Variants in GPC5 observed in about 807,000 individuals in gnomAD.
The protein encoded by GPC5 is glypican-5.
GPC5 carries 47 observed loss-of-function variants against 53.9 expected under a neutral mutation model. The observed-to-expected ratio is 0.87, with a 90% CI of 0.69 to 1.11. GPC5 has a LOEUF of 1.11. Among genes scored for constraint, GPC5 ranks in the 50% most tolerant of loss-of-function variants. The probability of loss-of-function intolerance (pLI) is 0.00; values close to 1 mark genes in which losing one functional copy is unlikely to be tolerated. For missense variants in GPC5, 748 were observed against 713.1 expected, an observed-to-expected ratio of 1.05 and a Z score of -0.56; for synonymous variants, 286 against 263.3, an observed-to-expected ratio of 1.09 and a Z score of -0.84.
chr13:92,081,587 T>G (rs1160234709), intron 6 of GPC5, among the ~76,000 whole-genome samples: 3 of 152,166 alleles, frequency 2.0e-5, no homozygotes, highest in African/African-American at 7.2e-5. Flanking sequence ...GATGGTCTGT[T>G]CAAATAATTT....
At chr13:91,858,687 T>C (rs1019001120) in intron 5 of GPC5, among the ~76,000 whole-genome samples, 1 of 151,946 alleles carries the variant, frequency 6.6e-6, no homozygotes, top group South Asian at 2.1e-4. Flanking sequence ...AGTTTGGAAA[T>C]ACTCCCTCCT....
chr13:92,384,824 A>C (rs2043779039), intron 7 of GPC5, among the ~76,000 whole-genome samples: 1 of 152,136 alleles, frequency 6.6e-6, no homozygotes, highest in Non-Finnish European at 1.5e-5. Context: ...ATCATGCATT[A>C]ATGATGTCTC....
At chr13:92,708,218 T>C (rs1365020886) in intron 7 of GPC5, among the ~76,000 whole-genome samples, 1 of 152,136 alleles carries the variant, frequency 6.6e-6, no homozygotes, top group Non-Finnish European at 1.5e-5. Flanking sequence ...GAATCAAGAG[T>C]AAACTATTTG....
rs74678692 is a variant in GPC5, at chr13:92,842,365, A to G, written c.1562-23917A>G. Among the ~76,000 whole-genome samples the G allele has an allele frequency of 4.0e-4, 61 of 152,210 alleles. No individual in the cohort carries two copies. The East Asian group carries it at 0.011, about 28-fold the overall frequency. On this transcript the variant is annotated intron_variant, in intron 7 of 7. Transcript: ENST00000377067. ...CGAGGTCCTTTGAGAGTGATGTGAA[A>G]TAATAGTCCAGATGAATGCTACATA...
intron 7 of GPC5, among the ~76,000 whole-genome samples, chr13:92,397,054 G>A (rs1875315129): frequency 1.3e-5 from 2 of 152,204 alleles, no homozygotes. Flanking sequence ...ACTTGGTGGT[G>A]TACCTGGAGA....
At chr13:91,928,079 C>T (rs566709664) in intron 6 of GPC5, among the ~76,000 whole-genome samples, 5 of 152,314 alleles carry the variant, frequency 3.3e-5, no homozygotes, top group Admixed American at 6.5e-5. Flanking sequence ...TATTCTCCAT[C>T]TGTTCTCAGT....
At chr13:91,574,888 TC>T (rs2032075810) in intron 2 of GPC5, among the ~76,000 whole-genome samples, 2 of 152,140 alleles carry the variant, frequency 1.3e-5, no homozygotes, top group Non-Finnish European at 2.9e-5. Flanking sequence ...ACCTAGTTGA[TC>T]GTTAGAGTTC....
chr13:92,695,941 A>C (rs1283468463), intron 7 of GPC5, among the ~76,000 whole-genome samples: 1 of 152,080 alleles, frequency 6.6e-6, no homozygotes, highest in African/African-American at 2.4e-5. Context: ...GAGTGAGAAC[A>C]TGCTGTGTTT....
intron 7 of GPC5, among the ~76,000 whole-genome samples, chr13:92,310,933 G>A (rs1344228215): frequency 6.6e-6 from 1 of 152,028 alleles, no homozygotes; most frequent in African/African-American, 2.4e-5. Context: ...AACTCTGGAT[G>A]GTTATTCAAG....
At chr13:92,831,960 T>C (rs1290641032) in intron 7 of GPC5, among the ~76,000 whole-genome samples, 1 of 152,146 alleles carries the variant, frequency 6.6e-6, no homozygotes, top group Non-Finnish European at 1.5e-5. Flanking sequence ...CTAAATCCAT[T>C]AATGTACAGG....
chr13:91,977,615 A>C (rs780610806), intron 6 of GPC5, among the ~76,000 whole-genome samples: 4 of 152,218 alleles, frequency 2.6e-5, no homozygotes, highest in Non-Finnish European at 5.9e-5. Context: ...AATGCAAAAA[A>C]GGGCATTCTA....
chr13:92,192,147 G>A (rs1326435234), intron 7 of GPC5, among the ~76,000 whole-genome samples: 3 of 151,890 alleles, frequency 2.0e-5, no homozygotes, highest in Non-Finnish European at 4.4e-5. Context: ...TCTGTATGAA[G>A]CTACAGTGGT....
At chr13:92,631,904 T>G (rs562561860) in intron 7 of GPC5, among the ~76,000 whole-genome samples, 1 of 152,292 alleles carries the variant, frequency 6.6e-6, no homozygotes, top group East Asian at 1.9e-4. Flanking sequence ...TGTTTAGACT[T>G]GGGTCTCATT....
At chr13:92,569,902 C>T (rs117512223) in intron 7 of GPC5, among the ~76,000 whole-genome samples, 2 of 152,164 alleles carry the variant, frequency 1.3e-5, no homozygotes, top group Non-Finnish European at 2.9e-5. Flanking sequence ...ACACTGTGTT[C>T]TTTCTTTCCT....
intron 7 of GPC5, among the ~76,000 whole-genome samples, chr13:92,229,051 A>G (rs767119147): frequency 6.6e-6 from 1 of 152,186 alleles, no homozygotes; most frequent in Admixed American, 6.5e-5. Context: ...GTGATAGACT[A>G]TATGGCTCAG....
chr13:92,402,984 T>G (rs950580754), intron 7 of GPC5, among the ~76,000 whole-genome samples: 1 of 152,206 alleles, frequency 6.6e-6, no homozygotes, highest in African/African-American at 2.4e-5. Flanking sequence ...CCTCAAATCT[T>G]TCGAACGATT....
Position 92,536,261 on chromosome 13 carries a change from ATTCAG to A in GPC5, c.1562-330018_1562-330014del, listed in dbSNP as rs752602218. Among the ~76,000 whole-genome samples, 76 of 152,178 alleles carry A rather than the reference ATTCAG, an allele frequency of 5.0e-4. 2 individuals carry two copies. The highest frequency in any genetic ancestry group is 2.2e-4 in the Non-Finnish European group (15 of 68,026). On this transcript the variant is annotated intron_variant, in intron 7 of 7. Transcript: ENST00000377067. ...CCATGTCAGCTACATTTCCGATAGT[ATTCAG>A]TTAATAGTTTTAATAAATACTGAAT...
chr13:91,822,852 A>G (rs1273359153), intron 5 of GPC5, among the ~76,000 whole-genome samples: 1 of 152,160 alleles, frequency 6.6e-6, no homozygotes, highest in Non-Finnish European at 1.5e-5. Context: ...GTTGGACTCT[A>G]AGTCTAGGTA....
intron 1 of GPC5, among the ~76,000 whole-genome samples, chr13:91,435,358 C>G (rs1434916584): frequency 1.3e-5 from 2 of 152,176 alleles, no homozygotes; most frequent in Non-Finnish European, 2.9e-5. Context: ...GAGATTTGTC[C>G]CATCAATACC....
Sources: allele counts gnomAD v4.1 joint callset (sites outside exome capture counted in the v4.1 genomes callset), GRCh38; gene constraint gnomAD v4.1.1; transcripts MANE v1.5; gene names NCBI Gene and HGNC (gene_info 2026-07-23, HGNC 2026-07-21).